PLCB1: variants seen among roughly 807,000 people sequenced by gnomAD.
PLCB1 encodes the protein 1-phosphatidylinositol 4,5-bisphosphate phosphodiesterase beta-1.
A neutral mutation model predicts 161.8 loss-of-function variants in PLCB1; 46 were observed. The observed-to-expected ratio is 0.28, with a 90% CI of 0.22 to 0.36. PLCB1 has a LOEUF of 0.36. PLCB1 is among the 10% of genes least tolerant of loss of function. The pLI is 1.00. For missense variants in PLCB1, 1,016 were observed against 1,472.5 expected (o/e 0.69, Z 5.07); for synonymous variants, 517 against 503.7 (o/e 1.03, Z -0.35).
rs76296555 is a variant in PLCB1, at chr20:8,686,167, A to G, written c.1009+1089A>G. 3.0e-3 allele frequency among the ~76,000 whole-genome samples: 451 copies of G among 152,336 alleles called. 14 individuals are homozygous for G. The East Asian group carries it at 0.063, about 21-fold the overall frequency. ...ACATACTTAACTGAAGAGAATGTTA[A>G]ATTTTGTGTAGAGGTTAAAATTAAA... is the stretch of plus-strand genomic sequence containing the variant. On this transcript the variant is annotated intron_variant, in intron 10 of 31. Coordinates refer to ENST00000338037, the MANE Select transcript of PLCB1 (RefSeq NM_015192.4).
At chr20:8,704,112 G>T (rs1978526897) in intron 11 of PLCB1, among the ~76,000 whole-genome samples, 1 of 152,180 alleles carries the variant, frequency 6.6e-6, no homozygotes, top group Admixed American at 6.5e-5. Flanking sequence ...CCAGCACTTT[G>T]GGAGGCTGAA....
At chr20:8,186,884 T>C (rs1255621194) in intron 2 of PLCB1, among the ~76,000 whole-genome samples, 1 of 152,102 alleles carries the variant, frequency 6.6e-6, no homozygotes, top group African/African-American at 2.4e-5. Flanking sequence ...AGTTCACAGT[T>C]AGAGGAGTCC....
At chr20:8,344,133 G>C (rs1450343347) in intron 2 of PLCB1, among the ~76,000 whole-genome samples, 1 of 152,182 alleles carries the variant, frequency 6.6e-6, no homozygotes, top group South Asian at 2.1e-4. Context: ...AGGATTATTT[G>C]TTGTTGCTGA....
At chr20:8,435,143 A>G (rs1039635717) in intron 3 of PLCB1, among the ~76,000 whole-genome samples, 5 of 152,216 alleles carry the variant, frequency 3.3e-5, no homozygotes, top group African/African-American at 1.2e-4. Context: ...CAGTGGCATG[A>G]ATGTGTCACT....
intron 31 of PLCB1, among the ~76,000 whole-genome samples, chr20:8,864,065 G>C (rs1487421051): frequency 6.6e-6 from 1 of 152,106 alleles, no homozygotes; most frequent in Non-Finnish European, 1.5e-5. Flanking sequence ...CATACAATTA[G>C]ACAAAATATT....
At chr20:8,202,166 T>A (rs1258064557) in intron 2 of PLCB1, among the ~76,000 whole-genome samples, 2 of 152,200 alleles carry the variant, frequency 1.3e-5, no homozygotes, top group Non-Finnish European at 1.5e-5. Context: ...AAACTCCGCC[T>A]CCTGGGTTCA....
intron 31 of PLCB1, among the ~76,000 whole-genome samples, chr20:8,839,473 G>A (rs539755914): frequency 6.6e-6 from 1 of 152,174 alleles, no homozygotes; most frequent in East Asian, 1.9e-4. Context: ...TGTCACTTGG[G>A]CCATATGATT....
At chr20:8,687,720 A>G (rs1990391724) in intron 10 of PLCB1, among the ~76,000 whole-genome samples, 1 of 152,194 alleles carries the variant, frequency 6.6e-6, no homozygotes, top group Admixed American at 6.5e-5. Flanking sequence ...CACAGTTTCT[A>G]TATCTACTCA....
At position 8,132,820 on chromosome 20, in the gene PLCB1, G is replaced by C; in HGVS notation, c.99+70G>C. On this transcript the variant is annotated intron_variant, in intron 1 of 31. Transcript: ENST00000338037. This position sits in a 1 kb window ranked among gnomAD's most constrained non-coding sequence, Gnocchi z 5.2. The stretch of plus-strand genomic sequence containing the variant: ...GGGCAGGGCGGGCGTCGTGGGGGTG[G>C]GGCAAGGGGCGCGTTATGCAATGGG... The C allele has an allele frequency of 9.1e-7, 1 of 1,101,912 alleles. No individual in the cohort carries two copies. The highest frequency in any genetic ancestry group is 1.3e-5 in the South Asian group (1 of 75,938). 68.3% of individuals were successfully genotyped at this position (1,101,912 alleles called of 1,614,324 possible). A position where few individuals can be genotyped will look rare whatever the true frequency, so the allele number is the denominator to read the frequency against.
chr20:8,313,595 A>G (rs1383096363), intron 2 of PLCB1, among the ~76,000 whole-genome samples: 1 of 152,200 alleles, frequency 6.6e-6, no homozygotes, highest in Non-Finnish European at 1.5e-5. Context: ...CATTGAGAAA[A>G]TCTACCTTAT....
At chr20:8,801,967 C>A in intron 31 of PLCB1, 2 of 821,762 alleles carry the variant, frequency 2.4e-6, no homozygotes, top group Non-Finnish European at 4.3e-6. Context: ...CTCCAAGAGA[C>A]GTCCCAGACA....
intron 11 of PLCB1, among the ~76,000 whole-genome samples, chr20:8,704,936 G>T (rs551614040): frequency 6.9e-6 from 1 of 145,142 alleles, no homozygotes; most frequent in Non-Finnish European, 1.5e-5. Flanking sequence ...GAAGACCAAT[G>T]TCCCAGCTCA....
chr20:8,240,142 A>T (rs961615702), intron 2 of PLCB1, among the ~76,000 whole-genome samples: 4 of 151,502 alleles, frequency 2.6e-5, no homozygotes, highest in Non-Finnish European at 4.4e-5. Context: ...ATAATCTATG[A>T]TTTTTTTTCA....
chr20:8,514,116 G>T (rs1268217689), intron 3 of PLCB1, among the ~76,000 whole-genome samples: 1 of 152,020 alleles, frequency 6.6e-6, no homozygotes, highest in African/African-American at 2.4e-5. Context: ...GCCAGAGTGG[G>T]CAGATTGCTT....
At chr20:8,313,354 GTTCTCATTCTCCA>G (rs1469837284) in intron 2 of PLCB1, among the ~76,000 whole-genome samples, 95 of 152,206 alleles carry the variant, frequency 6.2e-4, no homozygotes, top group Admixed American at 5.8e-3. Context: ...AAGCTACATG[GTTCTCATTCTCCA>G]GCAGGCCACT....
chr20:8,834,802 C>G (rs1312542257), intron 31 of PLCB1, among the ~76,000 whole-genome samples: 5 of 95,484 alleles, frequency 5.2e-5, no homozygotes, highest in Non-Finnish European at 7.7e-5. Context: ...GCGATAGACT[C>G]TGCCTCAGAA....
chr20:8,403,669 AG>A (rs1325840854), intron 3 of PLCB1, among the ~76,000 whole-genome samples: 1 of 152,156 alleles, frequency 6.6e-6, no homozygotes, highest in Non-Finnish European at 1.5e-5. Context: ...CTGAAGCAGG[AG>A]GATCACTTGA....
chr20:8,700,775 A>G, intron 11 of PLCB1, among the ~76,000 whole-genome samples: 1 of 151,970 alleles, frequency 6.6e-6, no homozygotes, highest in Admixed American at 6.6e-5. Context: ...GGTTGGCTAA[A>G]GACAGGAGTG....
At chr20:8,398,212 T>C (rs1978377379) in intron 3 of PLCB1, among the ~76,000 whole-genome samples, 1 of 152,172 alleles carries the variant, frequency 6.6e-6, no homozygotes, top group Non-Finnish European at 1.5e-5. Flanking sequence ...GGACCATGCA[T>C]GTATATACAT....
Sources: allele counts gnomAD v4.1 joint callset (sites outside exome capture counted in the v4.1 genomes callset), GRCh38; gene constraint gnomAD v4.1.1; non-coding constraint Gnocchi (gnomAD v3.1); transcripts MANE v1.5; gene names NCBI Gene and HGNC (gene_info 2026-07-23, HGNC 2026-07-21).